Variants in LARGE1 observed in about 807,000 individuals in gnomAD.
The protein encoded by LARGE1 is LARGE xylosyl- and glucuronyltransferase 1, also known as xylosyl- and glucuronyltransferase LARGE1.
Under a neutral mutation model 87.6 loss-of-function variants are expected in LARGE1, and 43 were observed. That is an observed-to-expected ratio of 0.49 (90% confidence interval 0.38 to 0.63). The LOEUF (loss-of-function observed/expected upper bound fraction) is 0.63. Among genes scored for constraint, LARGE1 ranks in the 30% least tolerant of loss-of-function variants. The pLI, the probability that LARGE1 is intolerant of heterozygous loss-of-function variation, is 0.00. For missense variants in LARGE1, 802 were observed against 1,000.2 expected, an observed-to-expected ratio of 0.80 and a Z score of 2.67; for synonymous variants, 434 against 394.6, an observed-to-expected ratio of 1.10 and a Z score of -1.18.
chr22:33,378,435 T>G (rs370249867), intron 9 of LARGE1, among the ~76,000 whole-genome samples: 1 of 152,168 alleles, frequency 6.6e-6, no homozygotes, highest in African/African-American at 2.4e-5. Flanking sequence ...GATCCTGACT[T>G]TATGTGAGGC....
rs146736404 is a variant in LARGE1 at position 33,682,657 on chromosome 22, T to G, written c.107-31989A>C. On this transcript the variant is annotated intron_variant, in intron 2 of 14. Transcript: ENST00000397394. Reference sequence around the variant, plus strand: ...TAAGCTCTTGGGAAATAGTAGGTACTCTGAAATCAGGAACCATGAATCTTT... The same window carrying G: ...TAAGCTCTTGGGAAATAGTAGGTACGCTGAAATCAGGAACCATGAATCTTT... Among the ~76,000 whole-genome samples the G allele has an allele frequency of 7.9e-3, 1,201 of 152,364 alleles. 14 individuals are homozygous for G. Among genetic ancestry groups the G allele is most frequent in the African/African-American group, 0.027 (1,138 of 41,586 alleles).
At chr22:33,898,626 T>C (rs1221447494) in intron 1 of LARGE1, among the ~76,000 whole-genome samples, 1 of 152,194 alleles carries the variant, frequency 6.6e-6, no homozygotes, top group African/African-American at 2.4e-5. Flanking sequence ...TGGTGGCACA[T>C]GCCTGTAATC....
At chr22:33,814,635 C>G (rs1388918283) in intron 1 of LARGE1, among the ~76,000 whole-genome samples, 1 of 152,156 alleles carries the variant, frequency 6.6e-6, no homozygotes, top group African/African-American at 2.4e-5. Flanking sequence ...TCATTTTCTG[C>G]CCAAGAGTCC....
intron 5 of LARGE1, among the ~76,000 whole-genome samples, chr22:33,597,278 G>GAAA (rs3072280): frequency 5.4e-5 from 7 of 129,298 alleles, no homozygotes; most frequent in Admixed American, 2.4e-4. Flanking sequence ...CCTAATTCAT[G>GAAA]AAAAAAAAAA....
intron 6 of LARGE1, among the ~76,000 whole-genome samples, chr22:33,557,061 G>A (rs2077712393): frequency 6.6e-6 from 1 of 152,238 alleles, no homozygotes; most frequent in Middle Eastern, 3.4e-3. Context: ...TCACTTATTA[G>A]GTATTGTGCA....
At chr22:33,761,098 C>T (rs544194164) in intron 2 of LARGE1, among the ~76,000 whole-genome samples, 19 of 152,170 alleles carry the variant, frequency 1.2e-4, no homozygotes, top group African/African-American at 4.1e-4. Context: ...AACCTTTTCT[C>T]CCATTATCGA....
upstream of LARGE1, among the ~76,000 whole-genome samples, chr22:33,921,042 G>GGACCGCGAGCCGGGGCT (rs1217911928): frequency 6.7e-6 from 1 of 150,346 alleles, no homozygotes; most frequent in Non-Finnish European, 1.5e-5. This position sits in a 1 kb window ranked among gnomAD's most constrained non-coding sequence, Gnocchi z 4.1. Flanking sequence ...CAGCCGGGGG[G>GGACCGCGAGCCGGGGCT]GACCGCGAGC....
At chr22:33,534,187 G>A (rs1045440287) in intron 6 of LARGE1, among the ~76,000 whole-genome samples, 16 of 152,052 alleles carry the variant, frequency 1.1e-4, no homozygotes, top group Non-Finnish European at 2.1e-4. Context: ...GGCGGATCAC[G>A]AGGTCAGGAG....
chr22:33,554,685 G>C (rs1409415835), intron 6 of LARGE1, among the ~76,000 whole-genome samples: 1 of 152,106 alleles, frequency 6.6e-6, no homozygotes, highest in African/African-American at 2.4e-5. Flanking sequence ...CTGTTTTCCT[G>C]TCGCACTTTT....
At chr22:33,386,123 T>C (rs2065315581) in intron 7 of LARGE1, among the ~76,000 whole-genome samples, 1 of 148,972 alleles carries the variant, frequency 6.7e-6, no homozygotes, top group South Asian at 2.4e-4. Context: ...ATCTGCTGCA[T>C]AGGTCCTTTG....
chr22:33,197,193 G>T (rs966512252), intron 11 of LARGE1, among the ~76,000 whole-genome samples: 1 of 43,636 alleles, frequency 2.3e-5, no homozygotes, highest in African/African-American at 9.4e-5. Flanking sequence ...CATAATTAAT[G>T]GTGAAATATT....
At chr22:33,590,281 C>T (rs974437296) in intron 5 of LARGE1, among the ~76,000 whole-genome samples, 3 of 152,186 alleles carry the variant, frequency 2.0e-5, no homozygotes, top group Non-Finnish European at 4.4e-5. Context: ...AAAATTAACA[C>T]ACTCACACCA....
chr22:33,673,090 T>G lies in LARGE1; in HGVS notation c.107-22422A>C, dbSNP rs374208797. Among the ~76,000 whole-genome samples the G allele has an allele frequency of 2.8e-4, 42 of 152,190 alleles. No homozygotes were observed. In the East Asian group the frequency reaches 4.1e-3, roughly 15 times the overall value. ...GAGTTTGAGCCCAGCCTGGCCAACA[T>G]GGTGAAACCCCGTCTCTACTAAAAA... is the stretch of plus-strand genomic sequence containing the variant. On this transcript the variant is annotated intron_variant, in intron 2 of 14. Coordinates refer to ENST00000397394, the MANE Select transcript of LARGE1 (RefSeq NM_133642.5).
In LARGE1 at chr22:33,299,266, AAGAAAGAAAGAGAGAG is replaced by A. The variant is rs1217995578; in HGVS notation, c.1730+4947_1730+4962del. Among the ~76,000 whole-genome samples, 14 of 151,312 alleles carry A rather than the reference AAGAAAGAAAGAGAGAG, an allele frequency of 9.3e-5. No individual in the cohort carries two copies. The East Asian group carries it at 2.7e-3, about 29-fold the overall frequency. ...GAGAGAAAATGAGAAAAGAGAGAAAAAGAAAGAAAGAGAGAGAGAAAGAAAGGAAGGGAAGGAAAGG... is the reference window on the plus strand; with the variant it reads ...GAGAGAAAATGAGAAAAGAGAGAAAAAGAAAGAAAGGAAGGGAAGGAAAGG... On this transcript the variant is annotated intron_variant, in intron 12 of 14. Transcript: ENST00000397394.
At chr22:33,545,847 G>T (rs142502974) in intron 6 of LARGE1, among the ~76,000 whole-genome samples, 1 of 152,170 alleles carries the variant, frequency 6.6e-6, no homozygotes, top group Non-Finnish European at 1.5e-5. Flanking sequence ...GCCTCCCGAC[G>T]TGCTTGGATT....
the LARGE1 span, among the ~76,000 whole-genome samples, chr22:33,115,512 G>T: frequency 1.3e-5 from 2 of 151,322 alleles, no homozygotes; most frequent in East Asian, 3.9e-4. Context: ...CAATATGACT[G>T]GTGTCCCTCT....
downstream of LARGE1, among the ~76,000 whole-genome samples, chr22:33,268,587 C>T (rs1210655080): frequency 6.6e-6 from 1 of 151,906 alleles, no homozygotes; most frequent in African/African-American, 2.4e-5. Flanking sequence ...GCCACCACGC[C>T]CGGCTAATTT....
chr22:33,093,804 C>A, the LARGE1 span, among the ~76,000 whole-genome samples: 5 of 128,336 alleles, frequency 3.9e-5, no homozygotes, highest in Non-Finnish European at 6.7e-5. Flanking sequence ...GTCCTTGATT[C>A]TTTTTTTTTC....
At chr22:33,287,113 G>T (rs1311757202) in intron 12 of LARGE1, among the ~76,000 whole-genome samples, 1 of 152,214 alleles carries the variant, frequency 6.6e-6, no homozygotes. Flanking sequence ...GCCCAGAGCT[G>T]CCCTGGTTAA....
Sources: allele counts gnomAD v4.1 joint callset (sites outside exome capture counted in the v4.1 genomes callset), GRCh38; gene constraint gnomAD v4.1.1; non-coding constraint Gnocchi (gnomAD v3.1); transcripts MANE v1.5; gene names NCBI Gene and HGNC (gene_info 2026-07-23, HGNC 2026-07-21).